Variants in RIT2 observed in about 807,000 individuals in gnomAD.
RIT2 encodes the protein Ras like without CAAX 2.
RIT2 carries 24 observed loss-of-function variants against 23.7 expected under a neutral mutation model. The ratio of observed to expected loss-of-function variants is 1.01; its 90% CI spans 0.73 to 1.43. The LOEUF is 1.43. Among genes scored for constraint, RIT2 ranks in the 40% most tolerant of loss-of-function variants. The pLI is 0.00. For synonymous variants in RIT2, 107 were observed against 91.1 expected, an observed-to-expected ratio of 1.17 and a Z score of -0.99; for missense variants, 236 against 266.9, an observed-to-expected ratio of 0.88 and a Z score of 0.81.
At chr18:42,755,289 T>C (rs1913136273) in intron 4 of RIT2, among the ~76,000 whole-genome samples, 1 of 152,212 alleles carries the variant, frequency 6.6e-6, no homozygotes, top group African/African-American at 2.4e-5. Flanking sequence ...GCCCGATTCA[T>C]ACCACTCTCC....
chr18:42,843,252 A>C (rs977207385), intron 4 of RIT2, among the ~76,000 whole-genome samples: 12 of 152,204 alleles, frequency 7.9e-5, no homozygotes, highest in African/African-American at 2.9e-4. Flanking sequence ...GCATTATTCG[A>C]AAAAATTCCA....
intron 2 of RIT2, among the ~76,000 whole-genome samples, chr18:43,005,644 C>T (rs1233427720): frequency 6.6e-6 from 1 of 151,644 alleles, no homozygotes; most frequent in Non-Finnish European, 1.5e-5. Context: ...TAGATTTTGT[C>T]TCTCCCTCAA....
At chr18:42,777,613 G>A (rs1913704799) in intron 4 of RIT2, among the ~76,000 whole-genome samples, 2 of 152,150 alleles carry the variant, frequency 1.3e-5, no homozygotes, top group African/African-American at 4.8e-5. Context: ...ATATGTTGGA[G>A]TTCATTGTCA....
intron 4 of RIT2, among the ~76,000 whole-genome samples, chr18:42,772,647 A>T (rs1913578699): frequency 6.6e-6 from 1 of 152,138 alleles, no homozygotes; most frequent in Non-Finnish European, 1.5e-5. Flanking sequence ...TTGCTCTTTG[A>T]CCGTGGTTCC....
intron 4 of RIT2, among the ~76,000 whole-genome samples, chr18:42,755,195 C>T (rs545637548): frequency 5.5e-4 from 84 of 152,248 alleles, no homozygotes; most frequent in African/African-American, 1.9e-3. Flanking sequence ...TTTCAGATCA[C>T]ATTTTAGTCC....
intron 1 of RIT2, among the ~76,000 whole-genome samples, chr18:43,102,445 CTT>C (rs200839354): frequency 4.5e-5 from 5 of 109,956 alleles, no homozygotes; most frequent in African/African-American, 1.1e-4. Flanking sequence ...TCAGGAAACC[CTT>C]TTTTTTTTTT....
chr18:42,964,592 C>T (rs368178668), intron 3 of RIT2, among the ~76,000 whole-genome samples: 10 of 152,112 alleles, frequency 6.6e-5, no homozygotes, highest in African/African-American at 1.4e-4. Flanking sequence ...CTGAGCCAGA[C>T]GAAGGCATGA....
At chr18:42,744,818 G>T (rs1161921018) in intron 4 of RIT2, among the ~76,000 whole-genome samples, 1 of 152,072 alleles carries the variant, frequency 6.6e-6, no homozygotes, top group Non-Finnish European at 1.5e-5. Flanking sequence ...CACCATTATG[G>T]GTAAATAAGT....
At position 42,807,547 on chromosome 18, in the gene RIT2, G is replaced by A. The variant is rs545343063; in HGVS notation, c.427-63827C>T. ...GAGGAGAATTGCTTGAACCCGGGAAGCAGAGGTTGCAGTGAGCCAAGATCG... is the reference window on the plus strand; with the variant it reads ...GAGGAGAATTGCTTGAACCCGGGAAACAGAGGTTGCAGTGAGCCAAGATCG... On this transcript the variant is annotated intron_variant, in intron 4 of 4. Transcript: ENST00000326695. 6.0e-4 allele frequency among the ~76,000 whole-genome samples: 91 copies of A among 152,268 alleles called. 1 individual carries two copies. Among genetic ancestry groups the A allele is most frequent in the Admixed American group, 2.0e-3 (31 of 15,284 alleles).
At chr18:42,942,877 G>A (rs1294426205) in intron 3 of RIT2, among the ~76,000 whole-genome samples, 9 of 152,136 alleles carry the variant, frequency 5.9e-5, no homozygotes, top group Admixed American at 5.9e-4. Flanking sequence ...GAAAGCACCC[G>A]TCAAGCCTGC....
chr18:42,869,664 C>A (rs182517736), intron 4 of RIT2, among the ~76,000 whole-genome samples: 303 of 152,300 alleles, frequency 2.0e-3, no homozygotes, highest in African/African-American at 6.7e-3. Flanking sequence ...CTGGTTAAAA[C>A]TTTCCATTCC....
chr18:42,786,513 G>T (rs941777175), intron 4 of RIT2, among the ~76,000 whole-genome samples: 2 of 152,094 alleles, frequency 1.3e-5, no homozygotes, highest in African/African-American at 4.8e-5. Flanking sequence ...AAAACACAGA[G>T]ATACTGAAAT....
At chr18:42,897,970 T>C (rs1484415503) in intron 4 of RIT2, among the ~76,000 whole-genome samples, 2 of 152,162 alleles carry the variant, frequency 1.3e-5, no homozygotes, top group Admixed American at 1.3e-4. Flanking sequence ...CAGCTTGTAA[T>C]CGTGGGCAAA....
chr18:43,057,389 C>T (rs756378824), intron 1 of RIT2, among the ~76,000 whole-genome samples: 12 of 152,134 alleles, frequency 7.9e-5, no homozygotes, highest in Non-Finnish European at 1.6e-4. Flanking sequence ...GTGCCATAAA[C>T]CTGTCAACCT....
At chr18:42,835,649 C>CA (rs1906579668) in intron 4 of RIT2, among the ~76,000 whole-genome samples, 2 of 151,948 alleles carry the variant, frequency 1.3e-5, no homozygotes, top group African/African-American at 4.8e-5. Context: ...ATAAGGTTTT[C>CA]AATGTAAAGA....
intron 1 of RIT2, among the ~76,000 whole-genome samples, chr18:43,064,962 G>A (rs553632395): frequency 2.6e-5 from 4 of 151,160 alleles, no homozygotes; most frequent in East Asian, 2.0e-4. Context: ...GATTACAGGC[G>A]TGCACCACCA....
intron 1 of RIT2, among the ~76,000 whole-genome samples, chr18:43,071,522 G>C (rs1467928493): frequency 2.0e-5 from 3 of 152,092 alleles, no homozygotes; most frequent in African/African-American, 7.2e-5. Context: ...CCCTACTGGA[G>C]TACCATTAGC....
intron 1 of RIT2, among the ~76,000 whole-genome samples, chr18:43,087,849 C>G (rs1913322333): frequency 1.3e-5 from 2 of 152,140 alleles, no homozygotes; most frequent in Non-Finnish European, 1.5e-5. Context: ...ACAAACAGCA[C>G]TAGTCGGGAA....
chr18:42,893,717 A>T (rs1908245352), intron 4 of RIT2, among the ~76,000 whole-genome samples: 1 of 152,226 alleles, frequency 6.6e-6, no homozygotes, highest in African/African-American at 2.4e-5. Context: ...TCCTGTTAAT[A>T]TGAATTACCA....
Sources: allele counts gnomAD v4.1 joint callset (sites outside exome capture counted in the v4.1 genomes callset), GRCh38; gene constraint gnomAD v4.1.1; transcripts MANE v1.5; gene names NCBI Gene and HGNC (gene_info 2026-07-23, HGNC 2026-07-21).